The following PPP2R2B variants were observed in gnomAD, a reference collection of about 807,000 sequenced individuals.
PPP2R2B encodes protein phosphatase 2 regulatory subunit Bbeta, also known as serine/threonine-protein phosphatase 2A 55 kDa regulatory subunit B beta isoform.
In PPP2R2B, 5 loss-of-function variants were observed where a neutral mutation model predicts 46.0. The ratio of observed to expected loss-of-function variants is 0.11; its 90% CI spans 0.06 to 0.23. The LOEUF (loss-of-function observed/expected upper bound fraction) is 0.23. Among genes scored for constraint, PPP2R2B ranks in the 10% least tolerant of loss-of-function variants. The pLI, the probability that PPP2R2B is intolerant of heterozygous loss-of-function variation, is 1.00. For synonymous variants in PPP2R2B, 215 were observed against 206.7 expected, an observed-to-expected ratio of 1.04 and a Z score of -0.34; for missense variants, 367 against 575.0, an observed-to-expected ratio of 0.64 and a Z score of 3.70.
intron 4 of PPP2R2B, among the ~76,000 whole-genome samples, chr5:146,693,246 ACT>A (rs1321128465): frequency 1.8e-4 from 26 of 145,910 alleles, no homozygotes; most frequent in African/African-American, 6.7e-4. Flanking sequence ...ATAGAGTCTC[ACT>A]CTGTCACCTA....
chr5:146,645,231 A>G (rs567717986), intron 6 of PPP2R2B, among the ~76,000 whole-genome samples: 1 of 152,322 alleles, frequency 6.6e-6, no homozygotes, highest in South Asian at 2.1e-4. Context: ...CATGGTCTAA[A>G]TTTAATCTTT....
At chr5:147,053,080 A>C (rs943494408) in intron 1 of PPP2R2B, among the ~76,000 whole-genome samples, 2 of 151,922 alleles carry the variant, frequency 1.3e-5, no homozygotes, top group African/African-American at 4.8e-5. Flanking sequence ...ATTTTTTTGC[A>C]ACTATCCTGT....
intron 2 of PPP2R2B, among the ~76,000 whole-genome samples, chr5:146,786,623 T>C (rs1480149842): frequency 6.6e-6 from 1 of 152,212 alleles, no homozygotes; most frequent in East Asian, 1.9e-4. Flanking sequence ...CCTTTCTGTT[T>C]GTGTATAAAC....
chr5:147,045,825 G>C (rs1032726232), intron 1 of PPP2R2B, among the ~76,000 whole-genome samples: 2 of 152,006 alleles, frequency 1.3e-5, no homozygotes, highest in Non-Finnish European at 2.9e-5. Flanking sequence ...TCAGAATCTT[G>C]CTTTCACCAT....
chr5:146,771,638 A>T (rs1754861554), intron 2 of PPP2R2B, among the ~76,000 whole-genome samples: 1 of 152,220 alleles, frequency 6.6e-6, no homozygotes, highest in Non-Finnish European at 1.5e-5. Flanking sequence ...TTGAACAATA[A>T]GAAAGTTTTA....
intron 2 of PPP2R2B, among the ~76,000 whole-genome samples, chr5:147,078,807 CAAAA>C (rs35601188): frequency 9.4e-6 from 1 of 106,228 alleles, no homozygotes; most frequent in Admixed American, 9.9e-5. Context: ...GACTCCGTCT[CAAAA>C]AAAAAAAAAA....
intron 1 of PPP2R2B, among the ~76,000 whole-genome samples, chr5:146,949,010 G>C (rs975320427): frequency 6.6e-6 from 1 of 152,088 alleles, no homozygotes; most frequent in African/African-American, 2.4e-5. Flanking sequence ...ATCTGTACTT[G>C]TAACAGAACT....
chr5:147,010,016 T>G (rs1754639373), intron 1 of PPP2R2B, among the ~76,000 whole-genome samples: 1 of 152,118 alleles, frequency 6.6e-6, no homozygotes, highest in African/African-American at 2.4e-5. Context: ...AAGTTAAGAA[T>G]CTTAATCAAG....
intron 1 of PPP2R2B, among the ~76,000 whole-genome samples, chr5:147,043,703 C>A (rs1441676054): frequency 6.6e-6 from 1 of 152,100 alleles, no homozygotes. Context: ...TCTTTGCATG[C>A]ATTATTTTAT....
At position 146,855,626 on chromosome 5, in the gene PPP2R2B, T is replaced by G. The variant is rs373972286; in HGVS notation, c.70+22376A>C. On this transcript the variant is annotated intron_variant, in intron 2 of 9. Transcript: ENST00000394411. ...CTTCGTTCCTTTTATTAAAGGGAGC[T>G]CTTCTCTTCTGAATGTTGTACTCTT... Among the ~76,000 whole-genome samples, 282 of 152,272 alleles carry G rather than the reference T, an allele frequency of 1.9e-3. 1 individual carries two copies. Among genetic ancestry groups the G allele is most frequent in the African/African-American group, 6.0e-3 (248 of 41,552 alleles).
intron 1 of PPP2R2B, among the ~76,000 whole-genome samples, chr5:146,908,922 T>C (rs1188466058): frequency 6.6e-6 from 1 of 152,030 alleles, no homozygotes; most frequent in Non-Finnish European, 1.5e-5. Context: ...CTGAGTTGCC[T>C]CCCGAGTAGC....
At position 147,079,469 on chromosome 5, in the gene PPP2R2B, T is replaced by TATATACAC. The variant is rs1491141938; in HGVS notation, c.50+1589_50+1590insGTGTATAT. Among the ~76,000 whole-genome samples the TATATACAC allele has an allele frequency of 3.5e-4, 48 of 139,044 alleles. 1 individual carries two copies. Among genetic ancestry groups the TATATACAC allele is most frequent in the African/African-American group, 1.2e-3 (45 of 37,550 alleles). 91.2% of individuals were successfully genotyped at this position (139,044 alleles called of 152,430 possible). A position where few individuals can be genotyped will look rare whatever the true frequency, so the allele number is the denominator to read the frequency against. On this transcript the variant is annotated intron_variant, in intron 2 of 10. Coordinates refer to the PPP2R2B transcript ENST00000394413. Reference sequence around the variant, plus strand: ...ACATATATATATATATATATATATATACATGTGCAATGGAATATTACTCAG... The same window carrying TATATACAC: ...ACATATATATATATATATATATATATATATACACACATGTGCAATGGAATATTACTCAG...
chr5:146,670,841 T>C (rs1046892583), intron 5 of PPP2R2B, among the ~76,000 whole-genome samples: 1 of 152,146 alleles, frequency 6.6e-6, no homozygotes, highest in Admixed American at 6.5e-5. Context: ...TAACTAACTT[T>C]ATTTTGATAG....
chr5:146,598,788 C>T (rs776843594), intron 8 of PPP2R2B, among the ~76,000 whole-genome samples: 1 of 152,144 alleles, frequency 6.6e-6, no homozygotes. Context: ...CTACTATTGC[C>T]GCTTGCCAGA....
At chr5:147,057,767 C>G (rs1024629887), upstream of PPP2R2B, among the ~76,000 whole-genome samples, 1 of 152,146 alleles carries the variant, frequency 6.6e-6, no homozygotes, top group African/African-American at 2.4e-5. Flanking sequence ...AGTGAGGCTG[C>G]AGTTAGACAG....
chr5:146,596,879 C>T (rs1275808000), intron 8 of PPP2R2B, among the ~76,000 whole-genome samples: 2 of 152,206 alleles, frequency 1.3e-5, no homozygotes, highest in Non-Finnish European at 2.9e-5. Flanking sequence ...AACCTTTCTC[C>T]AGCCCTGCTG....
intron 1 of PPP2R2B, among the ~76,000 whole-genome samples, chr5:147,038,065 T>A (rs1020094405): frequency 3.9e-5 from 6 of 152,190 alleles, no homozygotes; most frequent in African/African-American, 1.4e-4. Flanking sequence ...TGGGATACTT[T>A]TAGAACCAAG....
At chr5:146,643,341 C>G (rs1419402230) in intron 6 of PPP2R2B, among the ~76,000 whole-genome samples, 1 of 151,810 alleles carries the variant, frequency 6.6e-6, no homozygotes, top group African/African-American at 2.4e-5. Flanking sequence ...CCAAGCCCCC[C>G]TGATCCATGG....
chr5:146,985,017 C>CTTTTT (rs34277498), intron 1 of PPP2R2B, among the ~76,000 whole-genome samples: 296 of 99,276 alleles, frequency 3.0e-3, no homozygotes, highest in Non-Finnish European at 3.2e-3. Context: ...TTTTCTTTTT[C>CTTTTT]TTTTTTTTTT....
Sources: allele counts gnomAD v4.1 joint callset (sites outside exome capture counted in the v4.1 genomes callset), GRCh38; gene constraint gnomAD v4.1.1; transcripts MANE v1.5; gene names NCBI Gene and HGNC (gene_info 2026-07-23, HGNC 2026-07-21).